Variants in NRXN1 observed in about 807,000 individuals in gnomAD.
NRXN1 encodes neurexin 1, also known as neurexin-1.
NRXN1 carries 39 observed loss-of-function variants against 150.9 expected under a neutral mutation model. The observed-to-expected ratio is 0.26, with a 90% CI of 0.20 to 0.34. NRXN1 has a LOEUF of 0.34. Ranked by LOEUF, NRXN1 falls within the 10% of genes least tolerant of loss-of-function variation. NRXN1 has a pLI of 1.00. For synonymous variants in NRXN1, 924 were observed against 757.0 expected, an observed-to-expected ratio of 1.22 and a Z score of -3.62; for missense variants, 1,815 against 1,949.9, an observed-to-expected ratio of 0.93 and a Z score of 1.30.
At position 50,347,402 on chromosome 2, in the gene NRXN1, T is replaced by C; in HGVS notation, c.3365-110432A>G. On this transcript the variant is annotated intron_variant, in intron 17 of 22. Transcript: ENST00000401669. This position sits in a 1 kb window ranked among gnomAD's most constrained non-coding sequence, Gnocchi z 4.9. The stretch of plus-strand genomic sequence containing the variant: ...CCGCGAATCCACTAGGTAAATCCAT[T>C]TAGCTTTGTGTGCGGGGACTAGGGA... 1 of 1,172,278 alleles carries C rather than the reference T, an allele frequency of 8.5e-7. No homozygotes were observed. Among genetic ancestry groups the C allele is most frequent in the Non-Finnish European group, 1.1e-6 (1 of 932,524 alleles). 72.6% of individuals were successfully genotyped at this position (1,172,278 alleles called of 1,614,324 possible). A position where few individuals can be genotyped will look rare whatever the true frequency, so the allele number is the denominator to read the frequency against.
rs192305077 is a variant in NRXN1 at position 50,030,849 on chromosome 2, T to G, written c.4128+22422A>C. On this transcript the variant is annotated intron_variant, in intron 21 of 22. Transcript: ENST00000401669. The stretch of plus-strand genomic sequence containing the variant: ...TTCTTGAGATCTTTTTAATATATAT[T>G]ATTTCAACAGTTACTCAGCACAAAG... 6.6e-5 allele frequency among the ~76,000 whole-genome samples: 10 copies of G among 152,230 alleles called. No homozygotes were observed. The East Asian group carries it at 1.9e-3, about 29-fold the overall frequency.
rs754520688 is a variant in NRXN1, at chr2:50,153,054, T to C, written c.3547-61560A>G. Reference sequence around the variant, plus strand: ...TGTTCCTCAGACTCAGTAATTTCAATAGGTAAAAATCTTGACCTATCTTCA... The same window carrying C: ...TGTTCCTCAGACTCAGTAATTTCAACAGGTAAAAATCTTGACCTATCTTCA... On this transcript the variant is annotated intron_variant, in intron 18 of 22. Coordinates refer to ENST00000401669, the MANE Select transcript of NRXN1 (RefSeq NM_001330078.2). 9.2e-5 allele frequency among the ~76,000 whole-genome samples: 14 copies of C among 151,744 alleles called. No homozygotes were observed. The South Asian group carries it at 2.3e-3, about 25-fold the overall frequency.
chr2:50,897,930 CA>C (rs142917582), intron 5 of NRXN1, among the ~76,000 whole-genome samples: 11,148 of 152,114 alleles, frequency 0.073, 489 homozygotes, highest in Middle Eastern at 0.14. Flanking sequence ...ATAGCAAAAA[CA>C]AAACATAATA....
chr2:50,485,728 C>T (rs548042803), intron 15 of NRXN1, among the ~76,000 whole-genome samples: 64 of 152,306 alleles, frequency 4.2e-4, no homozygotes, highest in Middle Eastern at 3.4e-3. Context: ...GGAGCAGAAG[C>T]ATCCCCCTAC....
At chr2:50,440,250 G>C (rs2085824334) in intron 17 of NRXN1, among the ~76,000 whole-genome samples, 2 of 152,136 alleles carry the variant, frequency 1.3e-5, no homozygotes, top group South Asian at 2.1e-4. Flanking sequence ...TAAAGAGAGA[G>C]TCTGGTTCCA....
intron 2 of NRXN1, among the ~76,000 whole-genome samples, chr2:50,943,411 G>A (rs1268433783): frequency 6.6e-6 from 1 of 152,088 alleles, no homozygotes. Context: ...AGAAAGCTAT[G>A]GTCCAGAGTG....
At chr2:50,017,653 A>G (rs1042531534) in intron 21 of NRXN1, among the ~76,000 whole-genome samples, 2 of 122,636 alleles carry the variant, frequency 1.6e-5, no homozygotes, top group African/African-American at 3.3e-5. Context: ...TTAGAAAAAA[A>G]CACAGCCTTT....
intron 8 of NRXN1, among the ~76,000 whole-genome samples, chr2:50,579,584 G>A (rs1381226764): frequency 6.6e-6 from 1 of 152,184 alleles, no homozygotes; most frequent in Non-Finnish European, 1.5e-5. Flanking sequence ...GGGAGATTGA[G>A]GCTATAGTGA....
intron 5 of NRXN1, among the ~76,000 whole-genome samples, chr2:50,683,489 G>A (rs368927065): frequency 3.4e-5 from 5 of 148,764 alleles, no homozygotes; most frequent in East Asian, 4.0e-4. Flanking sequence ...AAAATTAGCC[G>A]GGCACAGTGG....
At chr2:50,229,147 T>G (rs2064694793) in intron 18 of NRXN1, among the ~76,000 whole-genome samples, 1 of 152,096 alleles carries the variant, frequency 6.6e-6, no homozygotes, top group African/African-American at 2.4e-5. Context: ...TTCCTTCCAT[T>G]GTTTAAATAA....
At chr2:50,594,089 T>C (rs1002019409) in intron 8 of NRXN1, among the ~76,000 whole-genome samples, 5 of 152,198 alleles carry the variant, frequency 3.3e-5, no homozygotes, top group Non-Finnish European at 7.3e-5. Flanking sequence ...ACCATGATTG[T>C]AAGTTTCCTG....
At chr2:50,926,095 G>T (rs1392346339) in intron 2 of NRXN1, 140 bp from the exon 3 acceptor site, 10 of 705,912 alleles carry the variant, frequency 1.4e-5, no homozygotes, top group Non-Finnish European at 2.1e-5. Context: ...TCATTCAAGG[G>T]GGAAAACAAA....
intron 21 of NRXN1, among the ~76,000 whole-genome samples, chr2:50,020,509 A>G (rs1687408735): frequency 6.6e-6 from 1 of 152,244 alleles, no homozygotes; most frequent in African/African-American, 2.4e-5. Flanking sequence ...AGTATGCTTT[A>G]GTAGGTTAAT....
At chr2:50,104,203 G>A (rs1258221540) in intron 18 of NRXN1, among the ~76,000 whole-genome samples, 1 of 151,952 alleles carries the variant, frequency 6.6e-6, no homozygotes, top group Non-Finnish European at 1.5e-5. Context: ...TAGTTGAAAA[G>A]CAAGAGACAT....
intron 22 of NRXN1, among the ~76,000 whole-genome samples, chr2:49,939,903 C>A (rs776729067): frequency 6.6e-6 from 1 of 152,178 alleles, no homozygotes; most frequent in Middle Eastern, 3.4e-3. Flanking sequence ...TGATAACCCA[C>A]CAAATATATA....
At chr2:50,971,803 T>G in intron 2 of NRXN1, among the ~76,000 whole-genome samples, 1 of 152,248 alleles carries the variant, frequency 6.6e-6, no homozygotes, top group East Asian at 1.9e-4. Flanking sequence ...TTAAAAATTC[T>G]TTCTCAACAT....
chr2:50,878,099 T>TA (rs796222351), intron 5 of NRXN1, among the ~76,000 whole-genome samples: 1 of 151,932 alleles, frequency 6.6e-6, no homozygotes, highest in South Asian at 2.1e-4. Context: ...AAGGAACACA[T>TA]ACTGCTTTTA....
intron 17 of NRXN1, among the ~76,000 whole-genome samples, chr2:50,238,110 G>A (rs1268773461): frequency 6.6e-6 from 1 of 151,944 alleles, no homozygotes; most frequent in Non-Finnish European, 1.5e-5. Context: ...CCAGTCTCAG[G>A]GAAGTTCTTT....
At chr2:50,314,269 T>C (rs2075409815) in intron 17 of NRXN1, among the ~76,000 whole-genome samples, 1 of 152,036 alleles carries the variant, frequency 6.6e-6, no homozygotes, top group Admixed American at 6.6e-5. Flanking sequence ...CTTTGATCTG[T>C]TTCCCATGTG....
Sources: allele counts gnomAD v4.1 joint callset (sites outside exome capture counted in the v4.1 genomes callset), GRCh38; gene constraint gnomAD v4.1.1; non-coding constraint Gnocchi (gnomAD v3.1); transcripts MANE v1.5; gene names NCBI Gene and HGNC (gene_info 2026-07-23, HGNC 2026-07-21).